SLC25A30: variants seen among roughly 807,000 people sequenced by gnomAD.
SLC25A30 encodes the protein kidney mitochondrial carrier protein 1.
SLC25A30 carries 29 observed loss-of-function variants against 42.7 expected under a neutral mutation model. That is an observed-to-expected ratio of 0.68 (90% CI 0.51 to 0.93). The LOEUF is 0.93. Among genes scored for constraint, SLC25A30 ranks in the 40% least tolerant of loss-of-function variants. SLC25A30 has a pLI of 0.00. For synonymous variants in SLC25A30, 124 were observed against 131.0 expected, an observed-to-expected ratio of 0.95 and a Z score of 0.37; for missense variants, 300 against 359.7, an observed-to-expected ratio of 0.83 and a Z score of 1.34.
chr13:45,413,515 A>G (rs932129366), intron 1 of SLC25A30, among the ~76,000 whole-genome samples: 7 of 151,832 alleles, frequency 4.6e-5, no homozygotes, highest in African/African-American at 1.2e-4. Context: ...TGAGCCTAGG[A>G]GTTCAAGACC....
chr13:45,393,848 C>T lies in SLC25A30; in HGVS notation c.*2126G>A. 1.0e-6 allele frequency: 1 copy of T among 985,270 alleles called. No individual in the cohort carries two copies. Among genetic ancestry groups the T allele is most frequent in the Non-Finnish European group, 1.2e-6 (1 of 829,844 alleles). The allele number at this position is 985,270 out of a possible 1,614,324, so 61.0% of individuals were successfully genotyped here. A position where few individuals can be genotyped will look rare whatever the true frequency, so the allele number is the denominator to read the frequency against. ...TTACCATGAGGTTTGAATTTCTTTC[C>T]ACCTTGGTAGGAACATGTATGTAAT... On this transcript the variant is annotated 3_prime_UTR_variant, in exon 10 of 10. Coordinates refer to ENST00000519676, the MANE Select transcript of SLC25A30 (RefSeq NM_001010875.4).
intron 5 of SLC25A30, 71 bp from the exon 6 acceptor site, chr13:45,402,441 C>G: frequency 8.2e-7 from 1 of 1,215,224 alleles, no homozygotes; most frequent in Non-Finnish European, 1.2e-6. Flanking sequence ...ATGTATACCT[C>G]TGACAGTCAG....
At chr13:45,417,663 T>C (rs2137707211) in intron 1 of SLC25A30, among the ~76,000 whole-genome samples, 1 of 152,304 alleles carries the variant, frequency 6.6e-6, no homozygotes, top group Non-Finnish European at 1.5e-5. Context: ...ACTTTCTCAC[T>C]ACCCAAGTAG....
Position 45,394,490 on chromosome 13 carries a change from G to A in SLC25A30, c.*1484C>T. 1.0e-6 allele frequency: 1 copy of A among 985,360 alleles called. No individual in the cohort carries two copies. Among genetic ancestry groups the A allele is most frequent in the Non-Finnish European group, 1.2e-6 (1 of 829,944 alleles). 61.0% of individuals were successfully genotyped at this position (985,360 alleles called of 1,614,324 possible). On this transcript the variant is annotated 3_prime_UTR_variant, in exon 10 of 10. Transcript: ENST00000519676. ...GGAAGGAGAATGCCCTGGAGCCCCA[G>A]CTAACATGTATTTAATGTTGTTCTC... is the stretch of plus-strand genomic sequence containing the variant.
chr13:45,419,891 C>T (rs930898135), upstream of SLC25A30, among the ~76,000 whole-genome samples: 1 of 151,412 alleles, frequency 6.6e-6, no homozygotes, highest in Admixed American at 6.6e-5. Context: ...GATCACGCCG[C>T]TGCACTCTAG....
Position 45,395,074 on chromosome 13 carries a change from C to A in SLC25A30, c.*900G>T. On this transcript the variant is annotated 3_prime_UTR_variant, in exon 10 of 10. Coordinates refer to ENST00000519676, the MANE Select transcript of SLC25A30 (RefSeq NM_001010875.4). ...TCTACATAGACTGTTTAGAGCTGTT[C>A]CACAGCATGATGTAAACACATTTAC... is the stretch of plus-strand genomic sequence containing the variant. 8 of 985,484 alleles carry A rather than the reference C, an allele frequency of 8.1e-6. No homozygotes were observed. The highest frequency in any genetic ancestry group is 8.4e-6 in the Non-Finnish European group (7 of 829,946). 61.0% of individuals were successfully genotyped at this position (985,484 alleles called of 1,614,324 possible).
rs1394355224 is a variant in SLC25A30, at chr13:45,398,969, A to C, written c.724T>G (p.Tyr242Asp). The change falls in exon 8 of 10, where the codon TAC (tyrosine) becomes GAC (aspartate). Residue 242 changes from tyrosine to aspartate, a missense_variant. Tyr to Asp is a radical substitution (Grantham distance 160). Coordinates refer to ENST00000519676, the MANE Select transcript of SLC25A30 (RefSeq NM_001010875.4). ...AACAAGCAATCCAGGGTTCCTGTGT[A>C]GCCAGAACATCTGCCATCTCGAAGC... ...RVLRDGRCSG[Y>D]TGTLDCLLQT... The C allele has an allele frequency of 6.2e-7, 1 of 1,614,208 alleles. No homozygotes were observed. Among genetic ancestry groups the C allele is most frequent in the Admixed American group, 1.7e-5 (1 of 60,022 alleles).
the SLC25A30 span, among the ~76,000 whole-genome samples, chr13:45,429,130 G>A: frequency 4.5e-5 from 6 of 134,186 alleles, no homozygotes; most frequent in African/African-American, 1.2e-4. Flanking sequence ...GTGCAATGGC[G>A]CAGTCTCAGT....
intron 9 of SLC25A30, 185 bp downstream of exon 9, chr13:45,397,073 T>C (rs903003174): frequency 1.6e-5 from 9 of 568,862 alleles, no homozygotes; most frequent in African/African-American, 1.1e-4. Context: ...CAAAGCAAGA[T>C]TCAGTGTCTA....
chr13:45,417,000 G>C (rs565896175), intron 1 of SLC25A30, among the ~76,000 whole-genome samples: 1 of 152,064 alleles, frequency 6.6e-6, no homozygotes, highest in Non-Finnish European at 1.5e-5. Context: ...ACTTTTGAAC[G>C]CTTTCCAAGT....
the SLC25A30 span, among the ~76,000 whole-genome samples, chr13:45,430,186 A>C: frequency 6.6e-6 from 1 of 152,176 alleles, no homozygotes; most frequent in African/African-American, 2.4e-5. Flanking sequence ...AGTAATTAAT[A>C]CCATATATTG....
intron 7 of SLC25A30, among the ~76,000 whole-genome samples, chr13:45,400,367 A>G (rs1044987468): frequency 6.6e-6 from 1 of 151,776 alleles, no homozygotes; most frequent in Non-Finnish European, 1.5e-5. Context: ...GGTTGCAGTG[A>G]GCCGAGATCA....
In SLC25A30 at chr13:45,396,885, A is replaced by G. The variant is rs369355489; in HGVS notation, c.834+373T>C. ...AGCTAATTCCTGTTTATCTTCAGGC[A>G]CTTTCTAAGATAAGCATTCTAAGAC... On this transcript the variant is annotated intron_variant, in intron 9 of 9. Coordinates refer to ENST00000519676, the MANE Select transcript of SLC25A30 (RefSeq NM_001010875.4). The G allele has an allele frequency of 8.7e-4, 159 of 183,028 alleles. 1 individual carries two copies. The highest frequency in any genetic ancestry group is 3.7e-3 in the African/African-American group (157 of 42,176). 11.3% of individuals were successfully genotyped at this position (183,028 alleles called of 1,614,324 possible).
At position 45,394,206 on chromosome 13, in the gene SLC25A30, G is replaced by A; in HGVS notation, c.*1768C>T. The A allele has an allele frequency of 1.0e-6, 1 of 985,366 alleles. No homozygotes were observed. Among genetic ancestry groups the A allele is most frequent in the East Asian group, 1.1e-4 (1 of 8,814 alleles). The allele number at this position is 985,366 out of a possible 1,614,324, so 61.0% of individuals were successfully genotyped here. ...CCCAGGGAGAGCTGGACTTTCATCTGAGTCTCAGCAATTAACAGGTAACCC... is the reference window on the plus strand; with the variant it reads ...CCCAGGGAGAGCTGGACTTTCATCTAAGTCTCAGCAATTAACAGGTAACCC... On this transcript the variant is annotated 3_prime_UTR_variant, in exon 10 of 10. Transcript: ENST00000519676.
the SLC25A30 span, among the ~76,000 whole-genome samples, chr13:45,423,767 A>AATATATAT: frequency 4.1e-4 from 10 of 24,442 alleles, 1 homozygote; most frequent in African/African-American, 1.6e-3. Context: ...TAAATATATA[A>AATATATAT]AAATATATAA....
the SLC25A30 span, among the ~76,000 whole-genome samples, chr13:45,426,453 T>C: frequency 6.6e-6 from 1 of 152,180 alleles, no homozygotes. Context: ...TCTCAATTTT[T>C]CCTCCCGGGC....
At chr13:45,426,033 G>C in the SLC25A30 span, among the ~76,000 whole-genome samples, 1 of 146,384 alleles carries the variant, frequency 6.8e-6, no homozygotes, top group African/African-American at 2.5e-5. Context: ...AATATATAAA[G>C]TATATATTTT....
chr13:45,412,808 C>T (rs1883147937), intron 1 of SLC25A30, among the ~76,000 whole-genome samples: 1 of 152,180 alleles, frequency 6.6e-6, no homozygotes, highest in Admixed American at 6.5e-5. Context: ...ACATGTTCTG[C>T]AGTTGTATGT....
At chr13:45,423,766 A>AT in the SLC25A30 span, among the ~76,000 whole-genome samples, 37 of 81,072 alleles carry the variant, frequency 4.6e-4, 1 homozygote, top group East Asian at 1.4e-3. Context: ...ATAAATATAT[A>AT]AAAATATATA....
Sources: gnomAD v4.1 joint callset for allele counts (sites outside exome capture counted in the v4.1 genomes callset) on GRCh38, gnomAD v4.1.1 for gene constraint, MANE v1.5 for transcripts, NCBI Gene and HGNC (gene_info 2026-07-23, HGNC 2026-07-21) for gene names.